SAP18: variants seen among roughly 807,000 people sequenced by gnomAD.
The protein encoded by SAP18 is Sin3A associated protein 18.
In SAP18, 4 loss-of-function variants were observed where a neutral mutation model predicts 18.6. The ratio of observed to expected loss-of-function variants is 0.21; its 90% CI spans 0.11 to 0.49. The LOEUF (loss-of-function observed/expected upper bound fraction) is 0.49, where lower values mean the gene tolerates loss of function less well. Ranked by LOEUF, SAP18 falls within the 20% of genes least tolerant of loss-of-function variation. The pLI, the probability that SAP18 is intolerant of heterozygous loss-of-function variation, is 0.98. For synonymous variants in SAP18, 112 were observed against 82.8 expected, an observed-to-expected ratio of 1.35 and a Z score of -1.92; for missense variants, 170 against 226.4, an observed-to-expected ratio of 0.75 and a Z score of 1.60.
exon 4 of SAP18, chr13:21,147,546 A>G (rs900642077): frequency 1.8e-6 from 1 of 557,674 alleles, no homozygotes; most frequent in African/African-American, 1.9e-5. Flanking sequence ...AAATATGAAG[A>G]AAAGTGCTCT....
chr13:21,145,386 C>G (rs975907186), intron 2 of SAP18, among the ~76,000 whole-genome samples: 1 of 152,104 alleles, frequency 6.6e-6, no homozygotes, highest in South Asian at 2.1e-4. Flanking sequence ...AAACCTAAAA[C>G]GCTTCTAGTC....
chr13:21,140,586 C>T lies in SAP18; in HGVS notation c.34C>T (p.Arg12Cys), dbSNP rs769516459. The T allele has an allele frequency of 1.8e-5, 29 of 1,605,608 alleles. No individual in the cohort carries two copies. Among genetic ancestry groups the T allele is most frequent in the Admixed American group, 1.4e-4 (8 of 58,926 alleles). Residue 12 changes from arginine (R) to cysteine (C), a missense_variant, in exon 1 of 4, where the codon CGT becomes TGT. Arg to Cys is a radical substitution (Grantham distance 180). This residue lies in a region of SAP18 where 60 missense variants were observed against 26.2 expected (regional missense o/e 2.29). Coordinates refer to ENST00000621421, the Ensembl canonical transcript of SAP18. ...TGCAGGGGTCGGAGGTCAGGGCGAG[C>T]GTCTCGCAGGCCGTAGGAGGAAGAT...
chr13:21,142,178 T>C (rs1329255685), intron 2 of SAP18, among the ~76,000 whole-genome samples: 2 of 148,858 alleles, frequency 1.3e-5, no homozygotes, highest in African/African-American at 2.5e-5. Flanking sequence ...TCCCAGCTAA[T>C]TGGGAGACTG....
exon 4 of SAP18, chr13:21,148,193 C>G (rs1170783373): frequency 1.3e-5 from 2 of 152,208 alleles, no homozygotes; most frequent in Non-Finnish European, 2.9e-5. Flanking sequence ...CATTGAAGTC[C>G]TGATTGCAGC....
At chr13:21,146,111 C>T (rs1869641908) in intron 2 of SAP18, among the ~76,000 whole-genome samples, 1 of 152,128 alleles carries the variant, frequency 6.6e-6, no homozygotes, top group Non-Finnish European at 1.5e-5. Context: ...CTTTGGGAGG[C>T]CAAGATAGGT....
At chr13:21,144,095 T>C (rs1869557607) in intron 2 of SAP18, among the ~76,000 whole-genome samples, 1 of 151,808 alleles carries the variant, frequency 6.6e-6, no homozygotes, top group African/African-American at 2.4e-5. Flanking sequence ...AAAAACAGAA[T>C]TGGGAGAGAT....
chr13:21,140,401 G>C, upstream of SAP18: 1 of 791,570 alleles, frequency 1.3e-6, no homozygotes, highest in Non-Finnish European at 2.0e-6. Context: ...CCCCGCGGAC[G>C]TCAGCACCCG....
At chr13:21,144,404 TC>T (rs1200587651) in intron 2 of SAP18, among the ~76,000 whole-genome samples, 10 of 26,826 alleles carry the variant, frequency 3.7e-4, no homozygotes, top group Non-Finnish European at 6.4e-4. Context: ...GGACTCCATC[TC>T]AAAAAAAAAA....
chr13:21,141,404 C>T (rs1869460092), intron 2 of SAP18: 1 of 202,460 alleles, frequency 4.9e-6, no homozygotes, highest in Admixed American at 5.3e-5. Flanking sequence ...AGCATTTCCA[C>T]ATAATATTAA....
intron 1 of SAP18, 82 bp downstream of exon 1, chr13:21,140,763 G>A (rs755736035): frequency 6.3e-7 from 1 of 1,593,922 alleles, no homozygotes; most frequent in Non-Finnish European, 8.6e-7. Flanking sequence ...CTGTGTGCTG[G>A]AGGAGATGGT....
exon 4 of SAP18, chr13:21,147,469 T>G: frequency 1.2e-6 from 1 of 829,040 alleles, no homozygotes; most frequent in Non-Finnish European, 1.9e-6. Context: ...ATCATCTATT[T>G]AGGAGTTAGA....
chr13:21,140,699 T>C lies in SAP18; in HGVS notation c.129+18T>C. ...GCGAGAAGGTGAAGGCCCCCTCCGC[T>C]TTGGGGTCCGGGAAGAGGTTGGGGA... On this transcript the variant is annotated intron_variant, in intron 1 of 3. Coordinates refer to ENST00000621421, the Ensembl canonical transcript of SAP18. 6.2e-7 allele frequency: 1 copy of C among 1,607,062 alleles called. No individual in the cohort carries two copies. Among genetic ancestry groups the C allele is most frequent in the Non-Finnish European group, 8.5e-7 (1 of 1,176,470 alleles).
At chr13:21,146,986 G>A in intron 3 of SAP18, 59 bp downstream of exon 3, 3 of 1,533,984 alleles carry the variant, frequency 2.0e-6, no homozygotes, top group Non-Finnish European at 1.8e-6. Flanking sequence ...TGTTTTAACT[G>A]ATACAGATAA....
At chr13:21,147,561 A>G in exon 4 of SAP18, 1 of 527,328 alleles carries the variant, frequency 1.9e-6, no homozygotes, top group Non-Finnish European at 3.4e-6. Flanking sequence ...TGCTCTTAGC[A>G]TTCTGTGTAA....
intron 2 of SAP18, among the ~76,000 whole-genome samples, chr13:21,142,291 T>C (rs556288661): frequency 6.7e-6 from 1 of 149,878 alleles, no homozygotes; most frequent in East Asian, 2.1e-4. Flanking sequence ...TGTCTCAAAA[T>C]ATATATGTGT....
chr13:21,146,532 A>G (rs898344071), intron 2 of SAP18: 1 of 246,940 alleles, frequency 4.0e-6, no homozygotes. Context: ...GGTGTTGTGT[A>G]GCAACAGAAG....
Position 21,140,955 on chromosome 13 carries a change from C to CG in SAP18, c.203dup (p.Asn69LysfsTer32). ...CCACCACCGAATGGACGAGTTCTCC[C>CG]GGGGAAATGTACCGTCCAGCGAGTT... On this transcript the variant is annotated frameshift_variant, in exon 2 of 4. Transcript: ENST00000621421. LOFTEE classifies it high-confidence loss of function. The CG allele has an allele frequency of 6.2e-7, 1 of 1,613,216 alleles. No individual in the cohort carries two copies. Among genetic ancestry groups the CG allele is most frequent in the Non-Finnish European group, 8.5e-7 (1 of 1,179,700 alleles).
At chr13:21,146,402 C>A in intron 2 of SAP18, 2 of 155,624 alleles carry the variant, frequency 1.3e-5, no homozygotes, top group Admixed American at 6.3e-5. Context: ...AAGATACATT[C>A]CAATTTCAGA....
At chr13:21,141,116 C>T (rs922008350) in intron 2 of SAP18, 121 bp downstream of exon 2, 40 of 686,186 alleles carry the variant, frequency 5.8e-5, no homozygotes, top group Non-Finnish European at 9.2e-5. Context: ...TTGGGGCCTT[C>T]GGACTCAGCT....
Sources: gnomAD v4.1 joint callset for allele counts (sites outside exome capture counted in the v4.1 genomes callset) on GRCh38, gnomAD v4.1.1 for gene constraint, gnomAD v4.1.1 regional missense constraint, MANE v1.5 for transcripts, NCBI Gene and HGNC (gene_info 2026-07-23, HGNC 2026-07-21) for gene names.